The following CDH8 variants were observed in gnomAD, a reference collection of about 807,000 sequenced individuals.
CDH8 encodes cadherin-8.
Under a neutral mutation model 68.1 loss-of-function variants are expected in CDH8, and 17 were observed. The observed-to-expected ratio is 0.25, with a 90% CI of 0.17 to 0.37. CDH8 has a LOEUF of 0.37. Among genes scored for constraint, CDH8 ranks in the 10% least tolerant of loss-of-function variants. CDH8 has a pLI of 1.00. For synonymous variants in CDH8, 372 were observed against 365.1 expected (o/e 1.02, Z -0.21); for missense variants, 763 against 999.3 (o/e 0.76, Z 3.19).
chr16:61,694,252 C>T (rs1376258914), intron 10 of CDH8, among the ~76,000 whole-genome samples: 1 of 152,160 alleles, frequency 6.6e-6, no homozygotes, highest in South Asian at 2.1e-4. Flanking sequence ...TTGTCTTGTC[C>T]TCAGAAGTGC....
At chr16:61,933,905 G>A (rs1964586883) in intron 2 of CDH8, among the ~76,000 whole-genome samples, 2 of 152,022 alleles carry the variant, frequency 1.3e-5, no homozygotes, top group Non-Finnish European at 2.9e-5. Flanking sequence ...AAAAATACAT[G>A]GATTTATTTT....
In CDH8 at chr16:61,996,151, G is replaced by A. The variant is rs566586596; in HGVS notation, c.252+25001C>T. ...TGTTTACTAGTGCCTCTTCTATTTC[G>A]TAGCTTAGAATATCTGAACTAGAAG... is the stretch of plus-strand genomic sequence containing the variant. On this transcript the variant is annotated intron_variant, in intron 2 of 11. Coordinates refer to ENST00000577390, the MANE Select transcript of CDH8 (RefSeq NM_001796.5). Among the ~76,000 whole-genome samples, 14 of 152,220 alleles carry A rather than the reference G, an allele frequency of 9.2e-5. No homozygotes were observed. In the South Asian group the frequency reaches 1.2e-3, roughly 14 times the overall value.
intron 3 of CDH8, among the ~76,000 whole-genome samples, chr16:61,890,641 C>A (rs1193787667): frequency 1.3e-5 from 2 of 152,006 alleles, no homozygotes; most frequent in African/African-American, 2.4e-5. Flanking sequence ...AATTTCAGGC[C>A]TTTTTGTAAT....
At chr16:61,851,228 A>T (rs969852411) in intron 4 of CDH8, among the ~76,000 whole-genome samples, 1 of 151,614 alleles carries the variant, frequency 6.6e-6, no homozygotes, top group African/African-American at 2.4e-5. Flanking sequence ...TTTTCTAAGA[A>T]AGAACCATTC....
At chr16:61,675,631 A>AAAAT (rs1300696731) in intron 10 of CDH8, among the ~76,000 whole-genome samples, 1 of 25,260 alleles carries the variant, frequency 4.0e-5, no homozygotes, top group Non-Finnish European at 6.6e-5. Flanking sequence ...AAAAAATAAA[A>AAAAT]AAAAATAAAA....
In CDH8 at chr16:61,803,792, A is replaced by G. The variant is rs1385397599; in HGVS notation, c.1277+13687T>C. Among the ~76,000 whole-genome samples the G allele has an allele frequency of 8.0e-5, 11 of 136,650 alleles. No individual in the cohort carries two copies. In the East Asian group the frequency reaches 2.2e-3, roughly 28 times the overall value. The allele number at this position is 136,650 out of a possible 152,430, so 89.6% of individuals were successfully genotyped here. On this transcript the variant is annotated intron_variant, in intron 7 of 11. Coordinates refer to ENST00000577390, the MANE Select transcript of CDH8 (RefSeq NM_001796.5). ...ACTATCCTAAATATATATGCACCCA[A>G]TACAGGAGCACCAAGATTTATAAAG...
intron 10 of CDH8, among the ~76,000 whole-genome samples, chr16:61,670,559 C>A (rs1332484413): frequency 6.6e-6 from 1 of 151,788 alleles, no homozygotes. Context: ...AAAATTAAGT[C>A]CCTACAAATA....
intron 2 of CDH8, among the ~76,000 whole-genome samples, chr16:61,993,994 T>C (rs922024535): frequency 6.6e-6 from 1 of 152,172 alleles, no homozygotes; most frequent in Non-Finnish European, 1.5e-5. Flanking sequence ...AAATCTTCAG[T>C]GTCTGGCCCT....
chr16:61,800,284 C>T (rs1049518603), intron 7 of CDH8, among the ~76,000 whole-genome samples: 2 of 152,192 alleles, frequency 1.3e-5, no homozygotes, highest in South Asian at 2.1e-4. Flanking sequence ...CATTCCTAAA[C>T]GCAATGTCTA....
rs1555524811 is a variant in CDH8 at position 61,959,986 on chromosome 16, A to ATATATG, written c.253-58514_253-58513insCATATA. ...ATGTGGTGTATGTGTGTGTGTGTGT[A>ATATATG]TATATATATATATATATATATATAT... is the stretch of plus-strand genomic sequence containing the variant. On this transcript the variant is annotated intron_variant, in intron 2 of 11. Coordinates refer to ENST00000577390, the MANE Select transcript of CDH8 (RefSeq NM_001796.5). 8.1e-5 allele frequency among the ~76,000 whole-genome samples: 4 copies of ATATATG among 49,134 alleles called. 2 individuals are homozygous for ATATATG. Among genetic ancestry groups the ATATATG allele is most frequent in the Non-Finnish European group, 1.4e-4 (4 of 28,866 alleles). 32.2% of individuals were successfully genotyped at this position (49,134 alleles called of 152,430 possible).
At chr16:61,859,954 C>T (rs1205720183) in intron 3 of CDH8, among the ~76,000 whole-genome samples, 1 of 152,160 alleles carries the variant, frequency 6.6e-6, no homozygotes, top group African/African-American at 2.4e-5. Context: ...AGGCGATTCT[C>T]CTGCCTCAGC....
intron 4 of CDH8, among the ~76,000 whole-genome samples, chr16:61,854,599 A>G (rs777434209): frequency 1.3e-5 from 2 of 151,938 alleles, no homozygotes; most frequent in African/African-American, 2.4e-5. Flanking sequence ...TCAGCATTCT[A>G]TTTTCCAAAG....
At chr16:61,670,450 T>G (rs1963768248) in intron 10 of CDH8, among the ~76,000 whole-genome samples, 1 of 151,940 alleles carries the variant, frequency 6.6e-6, no homozygotes, top group Admixed American at 6.6e-5. Context: ...AAGTCCTGAG[T>G]GTATCTAACC....
At chr16:61,877,723 G>A (rs1963488978) in intron 3 of CDH8, among the ~76,000 whole-genome samples, 1 of 152,122 alleles carries the variant, frequency 6.6e-6, no homozygotes, top group South Asian at 2.1e-4. Flanking sequence ...ATAGAAATAA[G>A]AGAGAATGAA....
chr16:61,839,497 A>T (rs898849992), intron 4 of CDH8, among the ~76,000 whole-genome samples: 10 of 152,180 alleles, frequency 6.6e-5, no homozygotes, highest in African/African-American at 2.4e-4. Flanking sequence ...GTGGACTTAG[A>T]ATCCAAAGAA....
intron 10 of CDH8, among the ~76,000 whole-genome samples, chr16:61,669,374 A>G (rs1567412628): frequency 6.6e-6 from 1 of 152,020 alleles, no homozygotes; most frequent in Non-Finnish European, 1.5e-5. Context: ...GCATGCCGCA[A>G]TACAGTGGTG....
chr16:61,844,649 G>T (rs1962766469), intron 4 of CDH8, among the ~76,000 whole-genome samples: 2 of 152,084 alleles, frequency 1.3e-5, no homozygotes, highest in African/African-American at 4.8e-5. Flanking sequence ...AAAATGATGT[G>T]ATCTCAGAAT....
chr16:61,892,942 G>A (rs1283125677), intron 3 of CDH8, among the ~76,000 whole-genome samples: 4 of 152,170 alleles, frequency 2.6e-5, no homozygotes, highest in African/African-American at 9.7e-5. Context: ...CAGTTATAGA[G>A]CTGAACTTGT....
At chr16:61,704,697 G>C (rs1964497832) in intron 10 of CDH8, among the ~76,000 whole-genome samples, 1 of 152,170 alleles carries the variant, frequency 6.6e-6, no homozygotes, top group South Asian at 2.1e-4. Context: ...CTTGTCCAAA[G>C]TCACTTCTCT....
Sources: allele counts gnomAD v4.1 joint callset (sites outside exome capture counted in the v4.1 genomes callset), GRCh38; gene constraint gnomAD v4.1.1; transcripts MANE v1.5; gene names NCBI Gene and HGNC (gene_info 2026-07-23, HGNC 2026-07-21).